INSC: variants seen among roughly 807,000 people sequenced by gnomAD.
INSC encodes the protein INSC spindle orientation adaptor protein.
INSC carries 67 observed loss-of-function variants against 58.6 expected under a neutral mutation model. The ratio of observed to expected loss-of-function variants is 1.14; its 90% CI spans 0.94 to 1.40. The LOEUF (loss-of-function observed/expected upper bound fraction) is 1.40. Among genes scored for constraint, INSC ranks in the 40% most tolerant of loss-of-function variants. INSC has a pLI of 0.00. For missense variants in INSC, 714 were observed against 692.0 expected (o/e 1.03, Z -0.36); for synonymous variants, 262 against 276.1 (o/e 0.95, Z 0.51).
At chr11:15,144,826 G>A (rs1248847529) in intron 1 of INSC, among the ~76,000 whole-genome samples, 3 of 152,356 alleles carry the variant, frequency 2.0e-5, no homozygotes, top group Non-Finnish European at 2.9e-5. Flanking sequence ...GGATGTGGGC[G>A]CAGAGATGAG....
the INSC span, among the ~76,000 whole-genome samples, chr11:15,268,324 A>G: frequency 1.4e-4 from 22 of 152,184 alleles, no homozygotes; most frequent in Admixed American, 1.4e-3. Context: ...ACTATAAAGA[A>G]ACTACTTTAG....
chr11:15,137,454 G>A (rs1848272675), intron 1 of INSC, among the ~76,000 whole-genome samples: 1 of 152,126 alleles, frequency 6.6e-6, no homozygotes, highest in Non-Finnish European at 1.5e-5. Flanking sequence ...AGGCTGTTTT[G>A]TCTCCATTGA....
chr11:15,209,092 A>C (rs1326155187), intron 7 of INSC, among the ~76,000 whole-genome samples: 1 of 152,136 alleles, frequency 6.6e-6, no homozygotes, highest in African/African-American at 2.4e-5. Context: ...TTGGAGTGGA[A>C]ATCTTCCTAG....
At chr11:15,167,178 G>A (rs541471522) in intron 2 of INSC, among the ~76,000 whole-genome samples, 2 of 151,912 alleles carry the variant, frequency 1.3e-5, no homozygotes, top group East Asian at 3.9e-4. Context: ...TGGGTGCAAA[G>A]CATTCTGGGA....
At chr11:15,190,461 T>C (rs1271347775) in intron 5 of INSC, among the ~76,000 whole-genome samples, 1 of 152,252 alleles carries the variant, frequency 6.6e-6, no homozygotes, top group Non-Finnish European at 1.5e-5. Flanking sequence ...AGGCTAGTTA[T>C]GGCCTATGTA....
At chr11:15,206,515 G>A (rs1317287911) in intron 7 of INSC, among the ~76,000 whole-genome samples, 1 of 152,186 alleles carries the variant, frequency 6.6e-6, no homozygotes, top group African/African-American at 2.4e-5. Context: ...TCACTTGGGA[G>A]AAGACTAGAG....
rs1181995831 is a variant in INSC, at chr11:15,190,767, T to A, written c.646T>A (p.Phe216Ile). Residue 216 changes from phenylalanine to isoleucine, a missense_variant, in exon 6 of 13, where the codon TTC becomes ATC. Phe to Ile is a conservative substitution (Grantham distance 21). Transcript: ENST00000379556. ...CACAGAGTCCACCACAGGGAACCTG[T>A]TCAGCCTGACCCAGGAGGGGGCTCC... ...YTTESTTGNL[F>I]SLTQEGAPLC... 2.1e-5 allele frequency: 34 copies of A among 1,613,810 alleles called. No homozygotes were observed. The highest frequency in any genetic ancestry group is 2.7e-5 in the Non-Finnish European group (32 of 1,179,842).
intron 1 of INSC, among the ~76,000 whole-genome samples, chr11:15,134,104 T>C (rs1301845892): frequency 1.3e-5 from 2 of 152,196 alleles, no homozygotes; most frequent in Non-Finnish European, 2.9e-5. Flanking sequence ...TTCCACTTTT[T>C]AAAATGGGGA....
chr11:15,261,104 G>A, the INSC span, among the ~76,000 whole-genome samples: 1 of 152,186 alleles, frequency 6.6e-6, no homozygotes, highest in Admixed American at 6.6e-5. Context: ...TGTAGAAGCA[G>A]CATATCCAAG....
intron 5 of INSC, chr11:15,184,436 A>AC: frequency 5.2e-6 from 1 of 193,178 alleles, no homozygotes. Flanking sequence ...TCACTCTGTC[A>AC]CCAGGCTGGA....
chr11:15,128,768 G>T (rs1356580832), intron 1 of INSC, among the ~76,000 whole-genome samples: 1 of 152,184 alleles, frequency 6.6e-6, no homozygotes, highest in Non-Finnish European at 1.5e-5. Context: ...GAGGGGGTAG[G>T]CTGGCCCCTG....
At chr11:15,229,893 A>G (rs1851779640) in intron 9 of INSC, among the ~76,000 whole-genome samples, 1 of 135,186 alleles carries the variant, frequency 7.4e-6, no homozygotes. Context: ...TCCTATCTCT[A>G]TAAAAAACAT....
At chr11:15,254,766 C>T in the INSC span, among the ~76,000 whole-genome samples, 1 of 152,152 alleles carries the variant, frequency 6.6e-6, no homozygotes, top group Non-Finnish European at 1.5e-5. Flanking sequence ...CAGATGCAGG[C>T]CCATAGTGTG....
chr11:15,208,904 G>A (rs1301278827), intron 7 of INSC, among the ~76,000 whole-genome samples: 1 of 152,208 alleles, frequency 6.6e-6, no homozygotes, highest in Non-Finnish European at 1.5e-5. Context: ...TGGGCTCCAG[G>A]ACCAACAGTC....
chr11:15,136,303 T>C (rs1232002472), intron 1 of INSC, among the ~76,000 whole-genome samples: 3 of 152,202 alleles, frequency 2.0e-5, no homozygotes, highest in Non-Finnish European at 4.4e-5. Context: ...CAGCAAGTCA[T>C]AATCTTTTTG....
intron 2 of INSC, among the ~76,000 whole-genome samples, chr11:15,156,671 G>T (rs1848824812): frequency 6.6e-6 from 1 of 152,186 alleles, no homozygotes; most frequent in African/African-American, 2.4e-5. Context: ...ATGCCGCTAG[G>T]CCTCAGTTTC....
chr11:15,243,809 C>A (rs1284174836), intron 12 of INSC, among the ~76,000 whole-genome samples: 1 of 151,888 alleles, frequency 6.6e-6, no homozygotes, highest in Non-Finnish European at 1.5e-5. Context: ...TTTCTCTCTG[C>A]CTCCTTACCT....
At chr11:15,160,576 T>G (rs1366716663) in intron 2 of INSC, among the ~76,000 whole-genome samples, 2 of 152,188 alleles carry the variant, frequency 1.3e-5, no homozygotes, top group African/African-American at 2.4e-5. Flanking sequence ...CACATACCAT[T>G]TTTAGAGGTT....
At chr11:15,197,370 G>C (rs983597378) in intron 6 of INSC, among the ~76,000 whole-genome samples, 4 of 152,158 alleles carry the variant, frequency 2.6e-5, no homozygotes, top group Non-Finnish European at 5.9e-5. Flanking sequence ...TCTTCTCTCT[G>C]GGAGAAGATG....
Sources: allele counts gnomAD v4.1 joint callset (sites outside exome capture counted in the v4.1 genomes callset), GRCh38; gene constraint gnomAD v4.1.1; transcripts MANE v1.5; gene names NCBI Gene and HGNC (gene_info 2026-07-23, HGNC 2026-07-21).